Variants in SCIN observed in about 807,000 individuals in gnomAD.
SCIN encodes the protein adseverin.
In SCIN, 91 loss-of-function variants were observed where a neutral mutation model predicts 91.8. The ratio of observed to expected loss-of-function variants is 0.99; its 90% confidence interval spans 0.84 to 1.18. The LOEUF is 1.18. Among genes scored for constraint, SCIN ranks in the 50% most tolerant of loss-of-function variants. The probability of loss-of-function intolerance (pLI) is 0.00; values close to 1 mark genes in which losing one functional copy is unlikely to be tolerated. For missense variants in SCIN, 1,087 were observed against 863.9 expected, an observed-to-expected ratio of 1.26 and a Z score of -3.24; for synonymous variants, 367 against 312.6, an observed-to-expected ratio of 1.17 and a Z score of -1.84.
intron 3 of SCIN, among the ~76,000 whole-genome samples, chr7:12,600,765 T>A (rs999304267): frequency 1.3e-5 from 2 of 152,174 alleles, no homozygotes; most frequent in Admixed American, 6.5e-5. Flanking sequence ...GAGCTTTTAA[T>A]AAACACAGCT....
intron 4 of SCIN, among the ~76,000 whole-genome samples, chr7:12,622,334 A>G (rs1255142086): frequency 1.3e-5 from 2 of 152,130 alleles, no homozygotes; most frequent in Non-Finnish European, 2.9e-5. Flanking sequence ...AAGAGCTTGC[A>G]CTTCATCCTA....
intron 1 of SCIN, among the ~76,000 whole-genome samples, chr7:12,574,936 A>G (rs1365599308): frequency 6.6e-6 from 1 of 152,176 alleles, no homozygotes; most frequent in African/African-American, 2.4e-5. Flanking sequence ...TGAAGGATTG[A>G]CATCATTATT....
chr7:12,628,721 T>A (rs529559964), intron 8 of SCIN, among the ~76,000 whole-genome samples: 67 of 152,176 alleles, frequency 4.4e-4, no homozygotes, highest in Admixed American at 3.9e-4. Context: ...GAAAAAAATA[T>A]ATATATATGT....
rs1186495473 is a variant in SCIN at position 12,644,571 on chromosome 7, G to A, written c.1760-13G>A. 7 of 1,612,444 alleles carry A rather than the reference G, an allele frequency of 4.3e-6. No homozygotes were observed. Among genetic ancestry groups the A allele is most frequent in the African/African-American group, 1.3e-5 (1 of 74,866 alleles). ...CTGAAAATGCACTGGATAACTGAGTGTGTTTTCCACAGAGGAGTTCTGGAA... is the reference window on the plus strand; with the variant it reads ...CTGAAAATGCACTGGATAACTGAGTATGTTTTCCACAGAGGAGTTCTGGAA... On this transcript the variant is annotated splice_polypyrimidine_tract_variant and intron_variant, in intron 12 of 15. Transcript: ENST00000297029.
chr7:12,581,058 A>T lies in SCIN; in HGVS notation c.355-2A>T. On this transcript the variant is annotated splice_acceptor_variant, in intron 2 of 15. Coordinates refer to ENST00000297029, the MANE Select transcript of SCIN (RefSeq NM_001112706.3). LOFTEE classifies it high-confidence loss of function. ...GTGTGTCTGTCTTCCCTCATTCATC[A>T]GGCTGGAGGCGTGGCATCTGGATTA... is the stretch of plus-strand genomic sequence containing the variant. 1 of 1,549,482 alleles carries T rather than the reference A, an allele frequency of 6.5e-7. No homozygotes were observed. The highest frequency in any genetic ancestry group is 2.4e-5 in the East Asian group (1 of 40,878).
chr7:12,600,347 G>A (rs958702814), intron 3 of SCIN, among the ~76,000 whole-genome samples: 10 of 152,248 alleles, frequency 6.6e-5, no homozygotes, highest in African/African-American at 2.4e-4. Flanking sequence ...TGGGGACTCA[G>A]GGGAAAGGGT....
Position 12,611,878 on chromosome 7 carries a change from T to C in SCIN, c.666+7215T>C, listed in dbSNP as rs145617839. Reference sequence around the variant, plus strand: ...TGTGAGCTATGATCATGCCTGTGAATATCCACTGCACTCCAGCCTGGGCAA... The same window carrying C: ...TGTGAGCTATGATCATGCCTGTGAACATCCACTGCACTCCAGCCTGGGCAA... On this transcript the variant is annotated intron_variant, in intron 4 of 15. Coordinates refer to ENST00000297029, the MANE Select transcript of SCIN (RefSeq NM_001112706.3). Among the ~76,000 whole-genome samples the C allele has an allele frequency of 3.1e-4, 47 of 151,570 alleles. No homozygotes were observed. In the East Asian group the frequency reaches 7.4e-3, roughly 24 times the overall value.
At chr7:12,631,207 A>C (rs1271479803) in intron 9 of SCIN, among the ~76,000 whole-genome samples, 1 of 152,202 alleles carries the variant, frequency 6.6e-6, no homozygotes, top group African/African-American at 2.4e-5. Flanking sequence ...GTATCATTTG[A>C]AAGTGTTTAT....
chr7:12,598,929 GA>G (rs993855749), intron 3 of SCIN, among the ~76,000 whole-genome samples: 4 of 149,014 alleles, frequency 2.7e-5, no homozygotes, highest in East Asian at 2.0e-4. Context: ...GAGAGAGAAA[GA>G]AAAAAAAACA....
chr7:12,650,731 T>C (rs1345008276), intron 14 of SCIN, among the ~76,000 whole-genome samples: 1 of 152,202 alleles, frequency 6.6e-6, no homozygotes, highest in Non-Finnish European at 1.5e-5. Flanking sequence ...ATACAGATTG[T>C]ATAATTATAT....
chr7:12,635,642 A>AAAAAAAAG (rs1783735033), intron 9 of SCIN, among the ~76,000 whole-genome samples: 2 of 142,022 alleles, frequency 1.4e-5, no homozygotes, highest in East Asian at 4.1e-4. Flanking sequence ...AAAAAAAAAA[A>AAAAAAAAG]GGCAAGAAAG....
Position 12,640,494 on chromosome 7 carries a change from G to T in SCIN, c.1558G>T (p.Ala520Ser). 6.2e-7 allele frequency: 1 copy of T among 1,611,480 alleles called. No homozygotes were observed. Among genetic ancestry groups the T allele is most frequent in the Non-Finnish European group, 8.5e-7 (1 of 1,178,834 alleles). Residue 520 changes from alanine (A) to serine (S), a missense_variant, in exon 11 of 16, where the codon GCA becomes TCA. Ala to Ser is a moderately conservative substitution (Grantham distance 99). Coordinates refer to ENST00000297029, the MANE Select transcript of SCIN (RefSeq NM_001112706.3). ...CCTCTTTCAAGTCCGGAGAAACCTG[G>T]CATCTATCACCAGAATTGTGGAGGT... ...TRLFQVRRNL[A>S]SITRIVEVDV...
intron 4 of SCIN, among the ~76,000 whole-genome samples, chr7:12,608,521 A>C (rs1783127199): frequency 6.6e-6 from 1 of 152,162 alleles, no homozygotes; most frequent in Non-Finnish European, 1.5e-5. Context: ...ACTGTCACAC[A>C]GTCTAGAGTG....
At chr7:12,607,424 A>C (rs1224587636) in intron 4 of SCIN, among the ~76,000 whole-genome samples, 1 of 152,246 alleles carries the variant, frequency 6.6e-6, no homozygotes, top group Non-Finnish European at 1.5e-5. Flanking sequence ...CGAAAAAGAA[A>C]GTGTAAACAG....
intron 1 of SCIN, among the ~76,000 whole-genome samples, chr7:12,575,679 G>A (rs943922356): frequency 7.9e-5 from 12 of 152,046 alleles, no homozygotes; most frequent in African/African-American, 2.9e-4. Flanking sequence ...AAATAACACG[G>A]CACAGCATAG....
chr7:12,618,824 A>G (rs1239565126), intron 4 of SCIN, among the ~76,000 whole-genome samples: 2 of 152,164 alleles, frequency 1.3e-5, no homozygotes, highest in Non-Finnish European at 2.9e-5. Context: ...TAAAATGTTC[A>G]TTCTTGGAAC....
At chr7:12,593,042 G>C (rs1782759409) in intron 3 of SCIN, among the ~76,000 whole-genome samples, 1 of 152,214 alleles carries the variant, frequency 6.6e-6, no homozygotes, top group Non-Finnish European at 1.5e-5. Flanking sequence ...TGGTGGCTCT[G>C]AGGAGCATGC....
At chr7:12,583,318 T>C (rs1016274831) in intron 3 of SCIN, among the ~76,000 whole-genome samples, 26 of 152,184 alleles carry the variant, frequency 1.7e-4, no homozygotes, top group Non-Finnish European at 3.5e-4. Context: ...TAGCTGACTA[T>C]GATTCAGTCT....
intron 3 of SCIN, among the ~76,000 whole-genome samples, chr7:12,584,167 T>C (rs1479047466): frequency 1.3e-5 from 2 of 152,214 alleles, no homozygotes; most frequent in Admixed American, 1.3e-4. Context: ...TTTTGGGGTG[T>C]GTCAGTAAAC....
Sources: allele counts gnomAD v4.1 joint callset (sites outside exome capture counted in the v4.1 genomes callset), GRCh38; gene constraint gnomAD v4.1.1; transcripts MANE v1.5; gene names NCBI Gene and HGNC (gene_info 2026-07-23, HGNC 2026-07-21).